The following NBAS variants were observed in gnomAD, a reference collection of about 807,000 sequenced individuals.
NBAS encodes the protein NAG/BC035112 fusion.
Under a neutral mutation model 302.5 loss-of-function variants are expected in NBAS, and 219 were observed. That is an observed-to-expected ratio of 0.72 (90% CI 0.65 to 0.81). The LOEUF (loss-of-function observed/expected upper bound fraction) is 0.81, where lower values mean the gene tolerates loss of function less well. Ranked by LOEUF, NBAS falls within the 30% of genes least tolerant of loss-of-function variation. The probability of loss-of-function intolerance (pLI) is 0.00; values close to 1 mark genes in which losing one functional copy is unlikely to be tolerated. For missense variants in NBAS, 2,932 were observed against 2,841.6 expected, an observed-to-expected ratio of 1.03 and a Z score of -0.72; for synonymous variants, 1,118 against 1,021.6, an observed-to-expected ratio of 1.09 and a Z score of -1.80.
chr2:15,028,113 A>G, the NBAS span, among the ~76,000 whole-genome samples: 8 of 152,212 alleles, frequency 5.3e-5, no homozygotes, highest in East Asian at 1.5e-3. Flanking sequence ...TTGCCACAGA[A>G]AAAACCTGAA....
At chr2:14,938,231 A>G in the NBAS span, among the ~76,000 whole-genome samples, 1 of 152,248 alleles carries the variant, frequency 6.6e-6, no homozygotes, top group Non-Finnish European at 1.5e-5. Flanking sequence ...ATTATTACAA[A>G]TAAATATAAA....
chr2:14,870,637 T>TG, the NBAS span, among the ~76,000 whole-genome samples: 2 of 147,756 alleles, frequency 1.4e-5, no homozygotes, highest in Non-Finnish European at 3.0e-5. Flanking sequence ...GTCCTAGGAG[T>TG]GAAAAAAAAA....
chr2:14,978,826 C>T, the NBAS span, among the ~76,000 whole-genome samples: 1 of 152,306 alleles, frequency 6.6e-6, no homozygotes, highest in Admixed American at 6.5e-5. Flanking sequence ...CTCTCCATCT[C>T]CCTTCTCCCT....
the NBAS span, among the ~76,000 whole-genome samples, chr2:15,026,815 G>A: frequency 1.2e-4 from 19 of 152,138 alleles, no homozygotes; most frequent in African/African-American, 4.6e-4. Flanking sequence ...TATGTATGAT[G>A]TAGAATAAAA....
At chr2:15,467,455 T>C in intron 18 of NBAS, 48 bp from the exon 19 acceptor site, 4 of 1,479,674 alleles carry the variant, frequency 2.7e-6, no homozygotes, top group Non-Finnish European at 3.8e-6. Flanking sequence ...ACAGAATTAT[T>C]TCTCTAGGAG....
At chr2:15,141,162 T>C in the NBAS span, among the ~76,000 whole-genome samples, 2 of 152,134 alleles carry the variant, frequency 1.3e-5, no homozygotes, top group African/African-American at 4.8e-5. Context: ...TTTTCCCTTC[T>C]CTTTTTCCCC....
the NBAS span, among the ~76,000 whole-genome samples, chr2:14,957,308 TG>T: frequency 2.0e-5 from 3 of 151,916 alleles, no homozygotes; most frequent in Non-Finnish European, 4.4e-5. Context: ...TGTGTGTGTG[TG>T]TAAAGTCCTG....
At chr2:15,135,423 G>A in the NBAS span, among the ~76,000 whole-genome samples, 16 of 152,290 alleles carry the variant, frequency 1.1e-4, no homozygotes, top group East Asian at 3.1e-3. Context: ...GCTCATTGGT[G>A]GCACTCAGTC....
chr2:14,947,689 T>C, the NBAS span, among the ~76,000 whole-genome samples: 2 of 152,136 alleles, frequency 1.3e-5, no homozygotes, highest in Non-Finnish European at 2.9e-5. Flanking sequence ...GTTGTAGAAG[T>C]TGACATCCTT....
intron 7 of NBAS, chr2:15,538,311 AT>A: frequency 2.1e-6 from 1 of 467,958 alleles, no homozygotes; most frequent in Non-Finnish European, 4.3e-6. Flanking sequence ...CAGACTCCTT[AT>A]TTTGGCTAAG....
At chr2:15,014,001 T>C in the NBAS span, among the ~76,000 whole-genome samples, 1 of 151,806 alleles carries the variant, frequency 6.6e-6, no homozygotes, top group South Asian at 2.1e-4. Context: ...CAAAAGTAGC[T>C]ACACTTAAAT....
intron 47 of NBAS, among the ~76,000 whole-genome samples, chr2:15,220,589 C>G (rs1302602195): frequency 6.6e-6 from 1 of 152,162 alleles, no homozygotes; most frequent in Non-Finnish European, 1.5e-5. Flanking sequence ...GTACAATGTT[C>G]TATCTCATAC....
chr2:14,875,247 AC>A, the NBAS span, among the ~76,000 whole-genome samples: 1 of 151,688 alleles, frequency 6.6e-6, no homozygotes, highest in African/African-American at 2.4e-5. Context: ...ACCAAAAAAA[AC>A]AAACAAAACG....
the NBAS span, among the ~76,000 whole-genome samples, chr2:15,006,543 A>G: frequency 1.3e-5 from 2 of 152,326 alleles, no homozygotes; most frequent in Admixed American, 6.5e-5. Context: ...AATGAAATCT[A>G]TGCTAGCGTA....
chr2:15,551,868 C>T (rs1328568662), intron 5 of NBAS, among the ~76,000 whole-genome samples: 2 of 152,040 alleles, frequency 1.3e-5, no homozygotes, highest in Admixed American at 6.6e-5. Context: ...GGGATGGGGC[C>T]CAAGCAAAAA....
At chr2:15,152,341 C>A in the NBAS span, among the ~76,000 whole-genome samples, 2 of 152,138 alleles carry the variant, frequency 1.3e-5, no homozygotes, top group Non-Finnish European at 2.9e-5. Flanking sequence ...AGATGCTGAC[C>A]AAAATGGGGG....
At chr2:15,071,318 T>C in the NBAS span, among the ~76,000 whole-genome samples, 1 of 152,138 alleles carries the variant, frequency 6.6e-6, no homozygotes, top group Non-Finnish European at 1.5e-5. Flanking sequence ...TGGCCTGCAG[T>C]GCCCAAGAAA....
At chr2:15,416,633 C>T (rs1222845185) in intron 24 of NBAS, among the ~76,000 whole-genome samples, 2 of 151,670 alleles carry the variant, frequency 1.3e-5, no homozygotes, top group Non-Finnish European at 2.9e-5. Flanking sequence ...TGGTGAAACC[C>T]TATCTCTATT....
chr2:14,911,053 G>C, the NBAS span, among the ~76,000 whole-genome samples: 6 of 152,210 alleles, frequency 3.9e-5, no homozygotes, highest in African/African-American at 1.4e-4. Context: ...TCAATCACTT[G>C]AGGATTTGAA....
Sources: allele counts gnomAD v4.1 joint callset (sites outside exome capture counted in the v4.1 genomes callset), GRCh38; gene constraint gnomAD v4.1.1; transcripts MANE v1.5; gene names NCBI Gene and HGNC (gene_info 2026-07-23, HGNC 2026-07-21).